Variants in ARB2A observed in about 807,000 individuals in gnomAD.
ARB2A encodes ARB2 cotranscriptional regulator A, also known as cotranscriptional regulator ARB2A.
the ARB2A span, among the ~76,000 whole-genome samples, chr5:93,857,054 C>A: frequency 6.6e-6 from 1 of 152,184 alleles, no homozygotes; most frequent in Admixed American, 6.5e-5. Context: ...CCACTCCAGA[C>A]CCTATTTGCC....
At chr5:93,962,916 T>A in the ARB2A span, among the ~76,000 whole-genome samples, 1 of 152,054 alleles carries the variant, frequency 6.6e-6, no homozygotes, top group Admixed American at 6.6e-5. Flanking sequence ...TCTATAGAGA[T>A]CAATAATGAA....
chr5:94,050,169 G>A, the ARB2A span, among the ~76,000 whole-genome samples: 1 of 151,574 alleles, frequency 6.6e-6, no homozygotes, highest in Admixed American at 6.6e-5. Flanking sequence ...CAAACTCCTG[G>A]CTTCAAGTGA....
chr5:93,954,222 G>A, the ARB2A span, among the ~76,000 whole-genome samples: 2 of 152,052 alleles, frequency 1.3e-5, no homozygotes, highest in African/African-American at 4.8e-5. Context: ...ACCACAGCTG[G>A]GAATGTACTG....
chr5:94,075,108 G>C, the ARB2A span, among the ~76,000 whole-genome samples: 11 of 152,078 alleles, frequency 7.2e-5, no homozygotes, highest in South Asian at 2.3e-3. Flanking sequence ...ATCACCTAAT[G>C]TTTTTAAAAA....
the ARB2A span, among the ~76,000 whole-genome samples, chr5:93,921,320 C>A: frequency 6.6e-6 from 1 of 151,918 alleles, no homozygotes; most frequent in African/African-American, 2.4e-5. Context: ...CCTATAGATT[C>A]TTATATGATT....
At chr5:93,838,641 C>T in the ARB2A span, among the ~76,000 whole-genome samples, 1 of 151,936 alleles carries the variant, frequency 6.6e-6, no homozygotes, top group Admixed American at 6.6e-5. Context: ...GGCAGTATGG[C>T]CATTTTAATT....
chr5:93,787,801 T>C, the ARB2A span, among the ~76,000 whole-genome samples: 3 of 152,190 alleles, frequency 2.0e-5, no homozygotes, highest in African/African-American at 4.8e-5. Flanking sequence ...GTAAGGAATG[T>C]TGAAATTCTA....
the ARB2A span, among the ~76,000 whole-genome samples, chr5:93,730,090 T>C: frequency 1.3e-5 from 2 of 152,196 alleles, no homozygotes; most frequent in East Asian, 3.9e-4. Flanking sequence ...AGTTTAAAAA[T>C]AAAAATGATA....
chr5:94,066,193 G>T, the ARB2A span, among the ~76,000 whole-genome samples: 26 of 151,756 alleles, frequency 1.7e-4, no homozygotes, highest in Non-Finnish European at 2.9e-4. Flanking sequence ...AACAGAAAAC[G>T]CAAGGGTAAA....
chr5:93,640,814 A>C, the ARB2A span, among the ~76,000 whole-genome samples: 1 of 152,204 alleles, frequency 6.6e-6, no homozygotes, highest in Non-Finnish European at 1.5e-5. Flanking sequence ...TAATGGATGT[A>C]AAGTATATTT....
chr5:94,031,718 T>C, the ARB2A span, among the ~76,000 whole-genome samples: 1 of 152,200 alleles, frequency 6.6e-6, no homozygotes, highest in East Asian at 1.9e-4. Flanking sequence ...CTAAAAGCAT[T>C]GCAGAGATCT....
At chr5:93,940,282 A>G in the ARB2A span, among the ~76,000 whole-genome samples, 2 of 152,030 alleles carry the variant, frequency 1.3e-5, no homozygotes, top group African/African-American at 2.4e-5. Context: ...TATTCCACCT[A>G]ATTCTTACAC....
the ARB2A span, among the ~76,000 whole-genome samples, chr5:93,773,758 G>T: frequency 3.9e-5 from 6 of 152,070 alleles, no homozygotes; most frequent in Non-Finnish European, 7.4e-5. Context: ...ATTACCATAT[G>T]TTATGGTAAT....
the ARB2A span, among the ~76,000 whole-genome samples, chr5:93,873,958 G>T: frequency 3.3e-5 from 5 of 152,176 alleles, no homozygotes; most frequent in Non-Finnish European, 7.3e-5. Flanking sequence ...CACATGAAAG[G>T]CAAAGGGAAT....
chr5:93,649,516 G>A, the ARB2A span, among the ~76,000 whole-genome samples: 1 of 152,202 alleles, frequency 6.6e-6, no homozygotes, highest in Admixed American at 6.5e-5. Context: ...AGAACAGCTG[G>A]AAACCAGGAA....
the ARB2A span, among the ~76,000 whole-genome samples, chr5:93,984,853 G>C: frequency 4.6e-5 from 7 of 152,100 alleles, no homozygotes; most frequent in African/African-American, 1.7e-4. Context: ...TTTTTATAAA[G>C]AACTATATGA....
At chr5:93,901,973 A>G in the ARB2A span, among the ~76,000 whole-genome samples, 12,826 of 152,128 alleles carry the variant, frequency 0.084, 758 homozygotes, top group Middle Eastern at 0.16. Flanking sequence ...TTAACTCCTA[A>G]TATATGTGAA....
chr5:93,655,180 C>A, the ARB2A span, among the ~76,000 whole-genome samples: 12 of 152,182 alleles, frequency 7.9e-5, no homozygotes. Context: ...TTCTGAAGCA[C>A]CATCTAAATG....
At chr5:93,702,465 C>T in the ARB2A span, among the ~76,000 whole-genome samples, 1 of 152,104 alleles carries the variant, frequency 6.6e-6, no homozygotes, top group Non-Finnish European at 1.5e-5. Context: ...ATTTGTCTAC[C>T]TAGTATCTAT....
Sources: allele counts gnomAD v4.1 joint callset (sites outside exome capture counted in the v4.1 genomes callset), GRCh38; gene constraint gnomAD v4.1.1; transcripts MANE v1.5; gene names NCBI Gene and HGNC (gene_info 2026-07-23, HGNC 2026-07-21).